Variants in KIF23 observed in about 807,000 individuals in gnomAD.
KIF23 encodes kinesin family member 23, also known as kinesin-like protein KIF23.
Under a neutral mutation model 137.5 loss-of-function variants are expected in KIF23, and 30 were observed. The ratio of observed to expected loss-of-function variants is 0.22; its 90% confidence interval spans 0.16 to 0.30. The LOEUF is 0.30. KIF23 is among the 10% of genes least tolerant of loss of function. The probability of loss-of-function intolerance (pLI) is 1.00; values close to 1 mark genes in which losing one functional copy is unlikely to be tolerated. For synonymous variants in KIF23, 367 were observed against 391.1 expected, an observed-to-expected ratio of 0.94 and a Z score of 0.73; for missense variants, 920 against 1,194.3, an observed-to-expected ratio of 0.77 and a Z score of 3.38.
rs1233799403 is a variant in KIF23, at chr15:69,423,248, T to C, written c.653T>C (p.Val218Ala). Residue 218 changes from valine (V) to alanine (A), a missense_variant, in exon 7 of 24, where the codon GTA (valine) becomes GCA (alanine). Transcript: ENST00000679126. ...EEVDEDSVYG[V>A]FVSYIEIYNN... ...GTTGATGAAGATAGTGTCTATGGTGTATTTGTCTCTTATATTGAAATATAT... is the reference window on the plus strand; with the variant it reads ...GTTGATGAAGATAGTGTCTATGGTGCATTTGTCTCTTATATTGAAATATAT... 6.3e-7 allele frequency: 1 copy of C among 1,587,920 alleles called. No homozygotes were observed. The highest frequency in any genetic ancestry group is 8.6e-7 in the Non-Finnish European group (1 of 1,159,634).
chr15:69,426,005 A>G, intron 8 of KIF23, 65 bp from the exon 9 acceptor site: 1 of 806,988 alleles, frequency 1.2e-6, no homozygotes, highest in Non-Finnish European at 1.8e-6. Flanking sequence ...TTTTAGTCCT[A>G]GTCTTAAATG....
intron 11 of KIF23, chr15:69,435,127 T>G: frequency 2.1e-6 from 1 of 466,858 alleles, no homozygotes; most frequent in Non-Finnish European, 3.8e-6. Flanking sequence ...TTCCTGTCAA[T>G]TGCCTAGAGA....
chr15:69,443,757 G>A (rs965208590), intron 19 of KIF23: 4 of 151,834 alleles, frequency 2.6e-5, no homozygotes, highest in African/African-American at 9.7e-5. Context: ...AGCATTCCCA[G>A]GTTTACATGA....
Position 69,440,419 on chromosome 15 carries a change from G to A in KIF23, c.2041G>A (p.Glu681Lys), listed in dbSNP as rs1299253454. The A allele has an allele frequency of 2.5e-6, 4 of 1,613,800 alleles. No individual in the cohort carries two copies. Among genetic ancestry groups the A allele is most frequent in the Non-Finnish European group, 3.4e-6 (4 of 1,179,968 alleles). ...IVTEPKTEKP[E>K]RPSRERDREK... ...TACCGAACCTAAAACTGAGAAGCCA[G>A]AGAGACCCTCTCGGGAGCGAGATCG... Residue 681 changes from glutamate to lysine, a missense_variant, in exon 18 of 24, where the codon GAG becomes AAG. Coordinates refer to ENST00000679126, the MANE Select transcript of KIF23 (RefSeq NM_001367805.3).
chr15:69,432,532 CT>C (rs56413721), intron 11 of KIF23, among the ~76,000 whole-genome samples: 282 of 144,340 alleles, frequency 2.0e-3, no homozygotes, highest in East Asian at 3.0e-3. Context: ...AAACAAGTAG[CT>C]TTTTTTTTTT....
intron 11 of KIF23, among the ~76,000 whole-genome samples, chr15:69,433,879 G>T (rs964749252): frequency 6.6e-5 from 10 of 152,090 alleles, no homozygotes; most frequent in Non-Finnish European, 1.5e-4. Context: ...TTCATTAATT[G>T]TTCACTTATT....
At chr15:69,415,460 A>G (rs1462533017) in intron 1 of KIF23, among the ~76,000 whole-genome samples, 1 of 152,230 alleles carries the variant, frequency 6.6e-6, no homozygotes, top group Non-Finnish European at 1.5e-5. Context: ...AAATCAATCA[A>G]AATAACTTTT....
chr15:69,438,343 A>G lies in KIF23; in HGVS notation c.1693A>G (p.Ile565Val), dbSNP rs1376396930. 1 of 1,613,224 alleles carries G rather than the reference A, an allele frequency of 6.2e-7. No individual in the cohort carries two copies. The highest frequency in any genetic ancestry group is 1.1e-5 in the South Asian group (1 of 90,862). The change falls in exon 16 of 24, where the codon ATC becomes GTC. Residue 565 changes from isoleucine (I) to valine (V), a missense_variant. By Grantham distance (29) the Ile-to-Val change is conservative (BLOSUM62 3). Transcript: ENST00000679126. ...QGKLNEKEKM[I>V]SGQKLEIERL... ...GAAACTAAATGAAAAGGAGAAGATG[A>G]TCTCAGGACAGAAATTGGAAATAGA... is the stretch of plus-strand genomic sequence containing the variant.
At chr15:69,419,780 G>C (rs1338384184) in intron 3 of KIF23, among the ~76,000 whole-genome samples, 1 of 152,100 alleles carries the variant, frequency 6.6e-6, no homozygotes, top group South Asian at 2.1e-4. Context: ...GGTCTGGGAG[G>C]GTTTTTTGGA....
At chr15:69,426,663 T>G (rs2057201249) in intron 10 of KIF23, 1 of 553,466 alleles carries the variant, frequency 1.8e-6, no homozygotes, top group Non-Finnish European at 3.2e-6. Context: ...AGAGGTACAG[T>G]GAACTGAGAT....
chr15:69,434,442 C>A, intron 11 of KIF23: 1 of 459,658 alleles, frequency 2.2e-6, no homozygotes, highest in Non-Finnish European at 4.1e-6. Flanking sequence ...TCCCTTCTCC[C>A]TGAAACTTGT....
Position 69,426,351 on chromosome 15 carries a change from G to A in KIF23, c.905G>A (p.Arg302His), listed in dbSNP as rs756964640. 12 of 1,614,078 alleles carry A rather than the reference G, an allele frequency of 7.4e-6. No individual in the cohort carries two copies. Among genetic ancestry groups the A allele is most frequent in the Admixed American group, 1.7e-5 (1 of 60,004 alleles). Residue 302 changes from arginine (R) to histidine (H), a missense_variant, in exon 10 of 24, where the codon CGT becomes CAT. Transcript: ENST00000679126. Reference sequence around the variant, plus strand: ...GTTGTCCTAGGCCAGAAAAAGAGACGTATTGCTAATACCCATTTGAATCGT... The same window carrying A: ...GTTGTCCTAGGCCAGAAAAAGAGACATATTGCTAATACCCATTTGAATCGT... Reference protein sequence around the residue: ...EVFWRGQKKRRIANTHLNRES... With the variant: ...EVFWRGQKKRHIANTHLNRES...
At chr15:69,433,527 A>G (rs1434967234) in intron 11 of KIF23, among the ~76,000 whole-genome samples, 1 of 152,170 alleles carries the variant, frequency 6.6e-6, no homozygotes, top group Non-Finnish European at 1.5e-5. Context: ...GCCCCTCTAG[A>G]TGCAGCAAGA....
At chr15:69,426,281 T>C (rs760512023) in intron 9 of KIF23, 55 bp from the exon 10 acceptor site, 374 of 1,608,270 alleles carry the variant, frequency 2.3e-4, no homozygotes, top group Non-Finnish European at 3.1e-4. Flanking sequence ...TTAGAAAGCA[T>C]GTATAATGAA....
chr15:69,428,455 GAGACC>G (rs112792293), intron 10 of KIF23, among the ~76,000 whole-genome samples: 1 of 151,304 alleles, frequency 6.6e-6, no homozygotes, highest in African/African-American at 2.4e-5. Context: ...TCAGGAGTTC[GAGACC>G]AGCCTGGTCC....
At position 69,447,885 on chromosome 15, in the gene KIF23, C is replaced by A; in HGVS notation, c.*78C>A. On this transcript the variant is annotated 3_prime_UTR_variant, in exon 24 of 24. Transcript: ENST00000679126. ...GAAAGCCATGCCAGAAGCAGTCTTC[C>A]AGGTCATCTTGTAGAACTCCAGCTT... is the stretch of plus-strand genomic sequence containing the variant. The A allele has an allele frequency of 6.8e-7, 1 of 1,466,362 alleles. No homozygotes were observed. The highest frequency in any genetic ancestry group is 9.5e-7 in the Non-Finnish European group (1 of 1,050,928). The allele number at this position is 1,466,362 out of a possible 1,614,324, so 90.8% of individuals were successfully genotyped here.
chr15:69,421,594 T>A (rs1445022541), intron 3 of KIF23, 53 bp from the exon 4 acceptor site: 2 of 1,091,776 alleles, frequency 1.8e-6, no homozygotes, highest in African/African-American at 1.6e-5. Context: ...GATGTATTTT[T>A]AGCCTAGATA....
intron 11 of KIF23, among the ~76,000 whole-genome samples, chr15:69,430,984 G>T (rs1236776018): frequency 6.6e-6 from 1 of 152,158 alleles, no homozygotes; most frequent in East Asian, 1.9e-4. Context: ...TAGTCTTTTA[G>T]AAAGATCATT....
intron 11 of KIF23, among the ~76,000 whole-genome samples, chr15:69,430,538 G>A (rs754281438): frequency 6.6e-6 from 1 of 152,190 alleles, no homozygotes; most frequent in African/African-American, 2.4e-5. Context: ...CAATCTGGGA[G>A]TGGGAAGGTG....
Sources: allele counts gnomAD v4.1 joint callset (sites outside exome capture counted in the v4.1 genomes callset), GRCh38; gene constraint gnomAD v4.1.1; transcripts MANE v1.5; gene names NCBI Gene and HGNC (gene_info 2026-07-23, HGNC 2026-07-21).